Variants in C11orf65 observed in about 807,000 individuals in gnomAD.
C11orf65 encodes protein MFI.
A neutral mutation model predicts 35.3 loss-of-function variants in C11orf65; 38 were observed. The observed-to-expected ratio is 1.08, with a 90% CI of 0.83 to 1.41. The LOEUF (loss-of-function observed/expected upper bound fraction) is 1.41, where lower values mean the gene tolerates loss of function less well. Ranked by LOEUF, C11orf65 falls within the 40% of genes most tolerant of loss-of-function variation. The pLI, the probability that C11orf65 is intolerant of heterozygous loss-of-function variation, is 0.00. For synonymous variants in C11orf65, 105 were observed against 114.4 expected (o/e 0.92, Z 0.53); for missense variants, 370 against 367.1 (o/e 1.01, Z -0.06).
chr11:108,466,077 C>T lies in C11orf65; in HGVS notation c.-10+1394G>A, dbSNP rs552911802. ...AGTAGTGAGGGAGAAATTAAAGTGACGGAGAACTTAAAGGGGCAAAAAAAG... is the reference window on the plus strand; with the variant it reads ...AGTAGTGAGGGAGAAATTAAAGTGATGGAGAACTTAAAGGGGCAAAAAAAG... On this transcript the variant is annotated intron_variant, in intron 1 of 8. Coordinates refer to ENST00000393084, the MANE Select transcript of C11orf65 (RefSeq NM_152587.5). 6.6e-5 allele frequency among the ~76,000 whole-genome samples: 10 copies of T among 151,354 alleles called. No homozygotes were observed. The South Asian group carries it at 1.5e-3, about 22-fold the overall frequency.
intron 6 of C11orf65, among the ~76,000 whole-genome samples, chr11:108,404,590 T>TC (rs1167937142): frequency 1.6e-3 from 243 of 150,004 alleles, no homozygotes; most frequent in African/African-American, 5.5e-3. Flanking sequence ...TCTTTTCTTT[T>TC]TTTTTTTTTT....
chr11:108,356,914 C>G lies in C11orf65; in HGVS notation c.227-21622G>C, dbSNP rs115270248. Among the ~76,000 whole-genome samples the G allele has an allele frequency of 5.5e-3, 838 of 152,270 alleles. 9 individuals carry two copies. Among genetic ancestry groups the G allele is most frequent in the African/African-American group, 0.019 (791 of 41,558 alleles). On this transcript the variant is annotated intron_variant, in intron 2 of 3. Coordinates refer to the C11orf65 transcript ENST00000524755. Reference sequence around the variant, plus strand: ...CATCTCCACCTACAATAACTGTCACCTTTAAACACACCCTCCGGGAGGAGG... The same window carrying G: ...CATCTCCACCTACAATAACTGTCACGTTTAAACACACCCTCCGGGAGGAGG...
chr11:108,423,905 C>A (rs1325716701), intron 3 of C11orf65, among the ~76,000 whole-genome samples: 2 of 152,182 alleles, frequency 1.3e-5, no homozygotes, highest in Admixed American at 1.3e-4. Context: ...ATTCGACGGT[C>A]ACCAACATCA....
rs778897515 is a variant in C11orf65, at chr11:108,407,104, A to G, written c.220T>C (p.Leu74=). 6 of 1,610,504 alleles carry G rather than the reference A, an allele frequency of 3.7e-6. No individual in the cohort carries two copies. Among genetic ancestry groups the G allele is most frequent in the Admixed American group, 3.3e-5 (2 of 59,954 alleles). ...AAAGIHVRFR[L]GGVKFPPDIY... is the part of the protein sequence containing the mutation. ...CATTCATCCATACTTACTCCACCTAATCTGAATCGCACATGAATGCCAGCA... is the reference window on the plus strand; with the variant it reads ...CATTCATCCATACTTACTCCACCTAGTCTGAATCGCACATGAATGCCAGCA... Residue 74 remains leucine (L), a synonymous_variant, in exon 4 of 9, where the codon TTA becomes CTA. Coordinates refer to ENST00000393084, the MANE Select transcript of C11orf65 (RefSeq NM_152587.5).
intron 2 of C11orf65, among the ~76,000 whole-genome samples, chr11:108,451,595 G>A (rs964396786): frequency 6.6e-6 from 1 of 151,944 alleles, no homozygotes; most frequent in African/African-American, 2.4e-5. Flanking sequence ...GTAATTTATA[G>A]ATTCAATGCC....
rs878853528 is a variant in C11orf65, at chr11:108,316,055, T to G, written c.641-6984A>C. 1 of 1,614,184 alleles carries G rather than the reference T, an allele frequency of 6.2e-7. No individual in the cohort carries two copies. The highest frequency in any genetic ancestry group is 1.1e-5 in the South Asian group (1 of 91,080). On this transcript the variant is annotated intron_variant, in intron 6 of 6. Transcript: ENST00000525729. ...GAAGCAATGTGGGGCAAAGCCCTAGTAACATATGACCTCGAAACAGCAATC... is the reference window on the plus strand; with the variant it reads ...GAAGCAATGTGGGGCAAAGCCCTAGGAACATATGACCTCGAAACAGCAATC...
chr11:108,442,612 A>C (rs11212640), intron 2 of C11orf65, among the ~76,000 whole-genome samples: 94,217 of 152,020 alleles, frequency 0.62, 29,507 homozygotes, highest in Middle Eastern at 0.76. Flanking sequence ...ACCCATCAGA[A>C]TAACAGCGGA....
intron 2 of C11orf65, among the ~76,000 whole-genome samples, chr11:108,443,660 G>T (rs1170682777): frequency 6.6e-6 from 1 of 152,094 alleles, no homozygotes; most frequent in East Asian, 1.9e-4. Flanking sequence ...TCAGGATTAA[G>T]AAACTCACTC....
intron 6 of C11orf65, among the ~76,000 whole-genome samples, chr11:108,402,735 T>C (rs1300054399): frequency 3.7e-5 from 5 of 133,416 alleles, no homozygotes; most frequent in Admixed American, 8.0e-5. Flanking sequence ...TTGGAATCCC[T>C]CTCTTTTTCC....
chr11:108,372,083 C>T lies in C11orf65; in HGVS notation c.226+21125G>A, dbSNP rs533463938. Among the ~76,000 whole-genome samples, 24 of 152,274 alleles carry T rather than the reference C, an allele frequency of 1.6e-4. No homozygotes were observed. The South Asian group carries it at 2.3e-3, about 14-fold the overall frequency. The stretch of plus-strand genomic sequence containing the variant: ...TGTTAACCTTGTTAGGAGATCGTAA[C>T]GTTAGGTTACTTGAAAACTACCCAA... On this transcript the variant is annotated intron_variant, in intron 2 of 3. Transcript: ENST00000524755.
At chr11:108,347,142 C>T (rs561076250) in intron 2 of C11orf65, 1 of 727,492 alleles carries the variant, frequency 1.4e-6, no homozygotes, top group Admixed American at 2.0e-5. Flanking sequence ...GCCGGTTATG[C>T]ACATCATTTA....
intron 3 of C11orf65, among the ~76,000 whole-genome samples, chr11:108,430,288 C>A (rs1482449118): frequency 7.6e-6 from 1 of 132,304 alleles, no homozygotes; most frequent in East Asian, 2.1e-4. Flanking sequence ...GCCACCACGC[C>A]TGGCTAATTT....
chr11:108,353,988 G>A, intron 2 of C11orf65: 2 of 1,081,286 alleles, frequency 1.8e-6, no homozygotes, highest in Admixed American at 1.8e-5. Context: ...GGCTGAAGTG[G>A]GAGGATTGTT....
chr11:108,387,956 T>C (rs888729952), intron 7 of C11orf65, among the ~76,000 whole-genome samples: 5 of 152,178 alleles, frequency 3.3e-5, no homozygotes, highest in Non-Finnish European at 7.3e-5. Flanking sequence ...GTGACTTAAA[T>C]GAAAGGATGC....
chr11:108,365,417 G>T lies in C11orf65; in HGVS notation c.226+27791C>A, dbSNP rs1565609342. On this transcript the variant is annotated intron_variant, in intron 2 of 3. Coordinates refer to the C11orf65 transcript ENST00000524755. ...GGAGTGGAAGAAGGCACTGTGCTCA[G>T]TGTTGGTGGACAAGTGAATTTGCTC... 1 of 1,614,214 alleles carries T rather than the reference G, an allele frequency of 6.2e-7. No homozygotes were observed. Among genetic ancestry groups the T allele is most frequent in the Non-Finnish European group, 8.5e-7 (1 of 1,180,032 alleles).
chr11:108,452,097 A>AAGGACG (rs2093355545), intron 2 of C11orf65, among the ~76,000 whole-genome samples: 1 of 152,178 alleles, frequency 6.6e-6, no homozygotes, highest in Non-Finnish European at 1.5e-5. Flanking sequence ...AGGCATGGGC[A>AAGGACG]AGGACTTCAT....
At chr11:108,410,383 A>G (rs2092632833) in intron 3 of C11orf65, among the ~76,000 whole-genome samples, 1 of 152,192 alleles carries the variant, frequency 6.6e-6, no homozygotes, top group Non-Finnish European at 1.5e-5. Flanking sequence ...AACATATTCA[A>G]TGAACCAACT....
downstream of C11orf65, among the ~76,000 whole-genome samples, chr11:108,382,217 T>C (rs976596671): frequency 1.3e-5 from 2 of 152,134 alleles, no homozygotes; most frequent in Non-Finnish European, 2.9e-5. Context: ...AGATAATAAC[T>C]GTTGCTTTAA....
intron 2 of C11orf65, among the ~76,000 whole-genome samples, chr11:108,358,313 G>A (rs1264052): frequency 0.36 from 49,537 of 138,614 alleles, 9,265 homozygotes; most frequent in East Asian, 0.55. Context: ...CCAAATCTAC[G>A]TCTGATTGGT....
Sources: gnomAD v4.1 joint callset for allele counts (sites outside exome capture counted in the v4.1 genomes callset) on GRCh38, gnomAD v4.1.1 for gene constraint, MANE v1.5 for transcripts, NCBI Gene and HGNC (gene_info 2026-07-23, HGNC 2026-07-21) for gene names.